Variants in CRB1 observed in about 807,000 individuals in gnomAD.
CRB1 encodes the protein protein crumbs homolog 1.
A neutral mutation model predicts 120.0 loss-of-function variants in CRB1; 83 were observed. The observed-to-expected ratio is 0.69, with a 90% CI of 0.58 to 0.83. CRB1 has a LOEUF of 0.83. Among genes scored for constraint, CRB1 ranks in the 40% least tolerant of loss-of-function variants. The probability of loss-of-function intolerance (pLI) is 0.00; values close to 1 mark genes in which losing one functional copy is unlikely to be tolerated. For synonymous variants in CRB1, 625 were observed against 612.5 expected (o/e 1.02, Z -0.30); for missense variants, 1,699 against 1,687.6 (o/e 1.01, Z -0.12).
At chr1:197,465,592 G>C (rs1358034993) in intron 11 of CRB1, among the ~76,000 whole-genome samples, 1 of 152,110 alleles carries the variant, frequency 6.6e-6, no homozygotes, top group Non-Finnish European at 1.5e-5. Context: ...TTTTAGAAAT[G>C]TTCACTTGGG....
chr1:197,366,735 A>C (rs1661096886), intron 5 of CRB1, among the ~76,000 whole-genome samples: 1 of 152,186 alleles, frequency 6.6e-6, no homozygotes, highest in South Asian at 2.1e-4. Context: ...CTTTTATTCA[A>C]GGTTTCTTCT....
chr1:197,275,152 A>T (rs1655130747), intron 1 of CRB1, among the ~76,000 whole-genome samples: 1 of 152,060 alleles, frequency 6.6e-6, no homozygotes, highest in East Asian at 1.9e-4. Context: ...TATTCTTCTT[A>T]TAAGGACGTC....
chr1:197,452,481 A>C (rs2125532439), intron 11 of CRB1, among the ~76,000 whole-genome samples: 1 of 152,324 alleles, frequency 6.6e-6, no homozygotes, highest in East Asian at 1.9e-4. Context: ...GTCTGGCTTG[A>C]TTTCGTGATG....
At chr1:197,406,313 A>C (rs537423993) in intron 5 of CRB1, among the ~76,000 whole-genome samples, 1 of 152,156 alleles carries the variant, frequency 6.6e-6, no homozygotes, top group African/African-American at 2.4e-5. Context: ...TGCTGTGTCC[A>C]CTCAGGGTTA....
intron 1 of CRB1, among the ~76,000 whole-genome samples, chr1:197,318,060 G>A (rs139699592): frequency 1.3e-5 from 2 of 151,932 alleles, no homozygotes; most frequent in East Asian, 1.9e-4. Flanking sequence ...GAGCAAAGAG[G>A]CAACCTATAG....
the CRB1 span, among the ~76,000 whole-genome samples, chr1:197,255,996 T>TATACAC: frequency 1.1e-4 from 13 of 116,706 alleles, no homozygotes; most frequent in African/African-American, 4.0e-4. Flanking sequence ...TATATATATA[T>TATACAC]ACACTACAAT....
At chr1:197,356,276 A>C (rs1448018370) in intron 4 of CRB1, among the ~76,000 whole-genome samples, 1 of 152,238 alleles carries the variant, frequency 6.6e-6, no homozygotes, top group Non-Finnish European at 1.5e-5. Context: ...ATTGATATTT[A>C]ATGTTTTAAT....
chr1:197,222,433 C>T, the CRB1 span: 2 of 768,450 alleles, frequency 2.6e-6, no homozygotes, highest in Non-Finnish European at 4.9e-6. Context: ...CCTCGGGCTA[C>T]CGTCATGGTG....
the CRB1 span, among the ~76,000 whole-genome samples, chr1:197,237,473 G>A: frequency 6.6e-6 from 1 of 152,068 alleles, no homozygotes; most frequent in Non-Finnish European, 1.5e-5. Context: ...ATTCACAAGG[G>A]CCCCACCTCT....
intron 2 of CRB1, among the ~76,000 whole-genome samples, chr1:197,332,489 CAAG>C (rs1273142995): frequency 2.6e-5 from 4 of 152,068 alleles, no homozygotes; most frequent in African/African-American, 9.7e-5. Context: ...AGAATTTAAA[CAAG>C]AGACTCATAA....
intron 1 of CRB1, among the ~76,000 whole-genome samples, chr1:197,293,012 T>A (rs1656285203): frequency 6.6e-6 from 1 of 152,098 alleles, no homozygotes; most frequent in Non-Finnish European, 1.5e-5. Flanking sequence ...AAGACAGAGA[T>A]GCCCTCTCTC....
intron 11 of CRB1, among the ~76,000 whole-genome samples, chr1:197,451,773 C>G (rs968678904): frequency 6.6e-6 from 1 of 152,160 alleles, no homozygotes; most frequent in Non-Finnish European, 1.5e-5. Flanking sequence ...GTTTAAATTG[C>G]GCTTTTCTTC....
chr1:197,276,035 T>A (rs1032939378), intron 1 of CRB1, among the ~76,000 whole-genome samples: 2 of 151,962 alleles, frequency 1.3e-5, no homozygotes, highest in African/African-American at 4.8e-5. Flanking sequence ...CTTCCTAGTT[T>A]AATAAAAAGT....
At chr1:197,275,029 C>T (rs1038822805) in intron 1 of CRB1, among the ~76,000 whole-genome samples, 9 of 152,016 alleles carry the variant, frequency 5.9e-5, no homozygotes, top group Non-Finnish European at 8.8e-5. Context: ...CCTGCCTTTT[C>T]CTGGCTTCTA....
chr1:197,336,804 T>C (rs1358393345), intron 2 of CRB1, among the ~76,000 whole-genome samples: 1 of 152,152 alleles, frequency 6.6e-6, no homozygotes, highest in African/African-American at 2.4e-5. Context: ...ATAAACATCA[T>C]GCTGTGGAAG....
chr1:197,367,776 A>G (rs972472285), intron 5 of CRB1, among the ~76,000 whole-genome samples: 1 of 152,128 alleles, frequency 6.6e-6, no homozygotes, highest in South Asian at 2.1e-4. Context: ...GTTGCCTCTG[A>G]GGCTGGGATT....
At chr1:197,450,775 C>A (rs1665922773) in intron 11 of CRB1, among the ~76,000 whole-genome samples, 1 of 36,434 alleles carries the variant, frequency 2.7e-5, no homozygotes, top group Non-Finnish European at 4.7e-5. Context: ...CCCGTCTCTA[C>A]TAAAAATACA....
chr1:197,453,874 A>T (rs61829437), intron 11 of CRB1, among the ~76,000 whole-genome samples: 7 of 140,344 alleles, frequency 5.0e-5, no homozygotes, highest in Non-Finnish European at 1.1e-4. Context: ...AATATTATTA[A>T]TAATATATAT....
intron 6 of CRB1, 127 bp from the exon 7 acceptor site, chr1:197,427,327 A>G: frequency 1.4e-6 from 1 of 729,642 alleles, no homozygotes; most frequent in East Asian, 2.6e-5. Context: ...AAAGCTATGT[A>G]TGAGTGTGTA....
Sources: allele counts gnomAD v4.1 joint callset (sites outside exome capture counted in the v4.1 genomes callset), GRCh38; gene constraint gnomAD v4.1.1; transcripts MANE v1.5; gene names NCBI Gene and HGNC (gene_info 2026-07-23, HGNC 2026-07-21).